Variants in ERMP1 observed in about 807,000 individuals in gnomAD.
ERMP1 encodes Felix-ina.
In ERMP1, 86 loss-of-function variants were observed where a neutral mutation model predicts 92.0. The observed-to-expected ratio is 0.93, with a 90% CI of 0.79 to 1.12. The LOEUF (loss-of-function observed/expected upper bound fraction) is 1.12, where lower values mean the gene tolerates loss of function less well. ERMP1 is among the 50% of genes most tolerant of loss of function. ERMP1 has a pLI of 0.00. For missense variants in ERMP1, 1,342 were observed against 1,116.3 expected (o/e 1.20, Z -2.88); for synonymous variants, 530 against 412.8 (o/e 1.28, Z -3.44).
chr9:5,795,736 C>A (rs1447949727), intron 13 of ERMP1, among the ~76,000 whole-genome samples: 2 of 151,636 alleles, frequency 1.3e-5, no homozygotes, highest in East Asian at 3.9e-4. Flanking sequence ...CGAGATCGTA[C>A]CACTGCACTC....
intron 13 of ERMP1, chr9:5,791,105 G>C (rs1274109301): frequency 5.1e-6 from 2 of 392,210 alleles, no homozygotes; most frequent in Non-Finnish European, 1.1e-5. Flanking sequence ...AGCGTGAACA[G>C]CTGCAGGAAC....
Position 5,798,928 on chromosome 9 carries a change from A to G in ERMP1, c.2148T>C (p.Tyr716=), listed in dbSNP as rs1204080017. Residue 716 remains tyrosine (Y), a synonymous_variant, in exon 12 of 15, where the codon TAT becomes TAC. Coordinates refer to ENST00000339450, the MANE Select transcript of ERMP1 (RefSeq NM_024896.3). ...DSGIWINGFD[Y]TGISHITPHI... is the part of the protein sequence containing the mutation. ...GAGGGGTTATGTGAGAAATTCCAGT[A>G]TAATCAAACCCATTGATCCATATTC... 6.2e-7 allele frequency: 1 copy of G among 1,613,030 alleles called. No individual in the cohort carries two copies. Among genetic ancestry groups the G allele is most frequent in the East Asian group, 2.2e-5 (1 of 44,868 alleles).
intron 5 of ERMP1, among the ~76,000 whole-genome samples, chr9:5,866,930 G>C (rs1259935510): frequency 6.6e-6 from 1 of 152,206 alleles, no homozygotes; most frequent in Non-Finnish European, 1.5e-5. Flanking sequence ...TTGAGGCCAG[G>C]CACAGTGGCT....
intron 6 of ERMP1, among the ~76,000 whole-genome samples, chr9:5,842,194 T>G (rs561855454): frequency 6.6e-6 from 1 of 152,320 alleles, no homozygotes; most frequent in South Asian, 2.1e-4. Context: ...ATTCCCTTAC[T>G]TGGCCCCGCC....
intron 3 of ERMP1, 32 bp downstream of exon 3, chr9:5,825,060 C>G (rs1293044633): frequency 6.2e-7 from 1 of 1,605,956 alleles, no homozygotes; most frequent in Middle Eastern, 1.7e-4. Context: ...CATCCTTATT[C>G]AAGCCTGATA....
chr9:5,840,687 C>T (rs548875266), intron 6 of ERMP1, among the ~76,000 whole-genome samples: 11 of 152,354 alleles, frequency 7.2e-5, no homozygotes, highest in South Asian at 6.2e-4. Flanking sequence ...TATCCTCCAA[C>T]GAATGACTTA....
At chr9:5,857,051 T>C (rs963319658) in intron 6 of ERMP1, among the ~76,000 whole-genome samples, 2 of 152,134 alleles carry the variant, frequency 1.3e-5, no homozygotes, top group Admixed American at 6.5e-5. Context: ...GACAGGGTCT[T>C]ACTCTGTCAC....
intron 2 of ERMP1, among the ~76,000 whole-genome samples, chr9:5,825,439 A>G (rs971810999): frequency 6.6e-6 from 1 of 152,190 alleles, no homozygotes; most frequent in Non-Finnish European, 1.5e-5. Context: ...CTCAATGCCT[A>G]CTACCATGCC....
At chr9:5,808,614 G>C (rs562078152) in intron 8 of ERMP1, among the ~76,000 whole-genome samples, 20 of 152,288 alleles carry the variant, frequency 1.3e-4, no homozygotes, top group African/African-American at 4.3e-4. Context: ...AGGATAAATT[G>C]AAAACAGTAG....
chr9:5,818,721 A>G (rs979551762), intron 4 of ERMP1, among the ~76,000 whole-genome samples: 10 of 152,148 alleles, frequency 6.6e-5, no homozygotes, highest in African/African-American at 1.2e-4. Context: ...TCAAAAAAAA[A>G]AAAAGAAAAG....
chr9:5,831,021 G>C lies in ERMP1; in HGVS notation c.346C>G (p.Leu116Val). Residue 116 changes from leucine to valine, a missense_variant, in exon 2 of 15, where the codon CTT becomes GTT. Coordinates refer to ENST00000339450, the MANE Select transcript of ERMP1 (RefSeq NM_024896.3). ...EFDALQARDY[L>V]EHITSIGPRT... ...GGGCCAATGGAGGTTATGTGTTCAA[G>C]ATAATCCCTGGAAGTAACCAAAAGA... is the stretch of plus-strand genomic sequence containing the variant. 1 of 1,608,976 alleles carries C rather than the reference G, an allele frequency of 6.2e-7. No homozygotes were observed. The highest frequency in any genetic ancestry group is 1.3e-5 in the African/African-American group (1 of 74,788).
chr9:5,828,731 CTG>C (rs1392870287), intron 2 of ERMP1, among the ~76,000 whole-genome samples: 12 of 152,102 alleles, frequency 7.9e-5, no homozygotes, highest in Non-Finnish European at 1.8e-4. Context: ...TCTTTTTAAC[CTG>C]TCTTTTGTTA....
intron 5 of ERMP1, among the ~76,000 whole-genome samples, chr9:5,866,735 G>C (rs1461745660): frequency 1.3e-5 from 2 of 152,204 alleles, no homozygotes; most frequent in African/African-American, 4.8e-5. Flanking sequence ...GAGTGGCGAT[G>C]AGAGGGTCAG....
At chr9:5,854,478 A>C (rs1053139476) in intron 6 of ERMP1, among the ~76,000 whole-genome samples, 1 of 152,064 alleles carries the variant, frequency 6.6e-6, no homozygotes, top group Non-Finnish European at 1.5e-5. Flanking sequence ...TTCAAAATAC[A>C]TTTTGCTGTC....
intron 9 of ERMP1, 69 bp from the exon 10 acceptor site, chr9:5,805,286 T>C: frequency 5.1e-6 from 6 of 1,174,018 alleles, no homozygotes; most frequent in Non-Finnish European, 7.2e-6. Context: ...TTTATAGTAC[T>C]GGTGTGCCTT....
At chr9:5,832,489 G>T (rs944809092) in intron 1 of ERMP1, 4 of 477,882 alleles carry the variant, frequency 8.4e-6, no homozygotes, top group African/African-American at 6.1e-5. Flanking sequence ...GCTTAACCGG[G>T]GACAGGCAAG....
At chr9:5,836,679 C>G (rs569610943), upstream of ERMP1, among the ~76,000 whole-genome samples, 1 of 152,120 alleles carries the variant, frequency 6.6e-6, no homozygotes, top group African/African-American at 2.4e-5. Context: ...GCTTGGGCGT[C>G]AGGGTGCTGT....
chr9:5,842,207 C>T (rs547011007), intron 6 of ERMP1, among the ~76,000 whole-genome samples: 1 of 152,304 alleles, frequency 6.6e-6, no homozygotes, highest in South Asian at 2.1e-4. Context: ...GCCCCGCCCA[C>T]ATCCTGCTGA....
intron 11 of ERMP1, among the ~76,000 whole-genome samples, chr9:5,800,894 A>G (rs1290710033): frequency 6.6e-6 from 1 of 152,234 alleles, no homozygotes; most frequent in Admixed American, 6.5e-5. Flanking sequence ...TCCATAATAA[A>G]TATTTGCTCC....
Sources: gnomAD v4.1 joint callset for allele counts (sites outside exome capture counted in the v4.1 genomes callset) on GRCh38, gnomAD v4.1.1 for gene constraint, MANE v1.5 for transcripts, NCBI Gene and HGNC (gene_info 2026-07-23, HGNC 2026-07-21) for gene names.